The following ITIH4 variants were observed in gnomAD, a reference collection of about 807,000 sequenced individuals.
ITIH4 encodes the protein inter-alpha-trypsin inhibitor heavy chain 4.
ITIH4 carries 79 observed loss-of-function variants against 111.8 expected under a neutral mutation model. The ratio of observed to expected loss-of-function variants is 0.71; its 90% CI spans 0.59 to 0.85. The LOEUF (loss-of-function observed/expected upper bound fraction) is 0.85, where lower values mean the gene tolerates loss of function less well. ITIH4 is among the 40% of genes least tolerant of loss of function. ITIH4 has a pLI of 0.00. For missense variants in ITIH4, 1,065 were observed against 1,195.8 expected (o/e 0.89, Z 1.61); for synonymous variants, 472 against 468.3 (o/e 1.01, Z -0.10).
chr3:52,821,487 G>A (rs1338227389), intron 11 of ITIH4, among the ~76,000 whole-genome samples: 1 of 124,530 alleles, frequency 8.0e-6, no homozygotes, highest in Non-Finnish European at 1.5e-5. Flanking sequence ...AGCAGGAAGG[G>A]TCTAGCTACA....
At chr3:52,820,526 T>C (rs927948309) in intron 13 of ITIH4, 105 bp downstream of exon 13, 23 of 1,389,046 alleles carry the variant, frequency 1.7e-5, no homozygotes, top group Middle Eastern at 1.9e-4. Flanking sequence ...GGGGAGTCTG[T>C]TGGGGGCACG....
chr3:52,827,924 C>T (rs1700511204), intron 2 of ITIH4, among the ~76,000 whole-genome samples: 1 of 152,194 alleles, frequency 6.6e-6, no homozygotes, highest in South Asian at 2.1e-4. Flanking sequence ...TGTGCCTGGT[C>T]AACTTCATGT....
At chr3:52,813,546 C>T (rs142130903) in intron 23 of ITIH4, 56 bp from the exon 24 acceptor site, 60 of 1,485,556 alleles carry the variant, frequency 4.0e-5, no homozygotes, top group African/African-American at 8.3e-5. Context: ...AGGTGTGGTG[C>T]GAAAAGAGGG....
At chr3:52,817,697 G>A (rs1700304982) in intron 20 of ITIH4, among the ~76,000 whole-genome samples, 1 of 152,176 alleles carries the variant, frequency 6.6e-6, no homozygotes, top group African/African-American at 2.4e-5. Context: ...TCCATCATCT[G>A]GAACATCCTC....
chr3:52,820,918 T>C, intron 12 of ITIH4, 73 bp downstream of exon 12: 1 of 1,568,096 alleles, frequency 6.4e-7, no homozygotes, highest in Non-Finnish European at 8.7e-7. Flanking sequence ...CCTCTCTCCA[T>C]GCTTAGGCGC....
At position 52,824,087 on chromosome 3, in the gene ITIH4, TCA is replaced by T; in HGVS notation, c.1172-85_1172-84del. The T allele has an allele frequency of 6.4e-7, 1 of 1,561,014 alleles. No individual in the cohort carries two copies. On this transcript the variant is annotated intron_variant, in intron 9 of 23. Coordinates refer to ENST00000266041, the MANE Select transcript of ITIH4 (RefSeq NM_002218.5). This position sits in a 1 kb window ranked among gnomAD's most constrained non-coding sequence, Gnocchi z 4.3. ...TCTGGAACCTCAGAGCCGAGGGGCCTCAGTGACCCCCTCTCCCTGCCCAGATC... is the reference window on the plus strand; with the variant it reads ...TCTGGAACCTCAGAGCCGAGGGGCCTGTGACCCCCTCTCCCTGCCCAGATC...
chr3:52,826,955 T>TG lies in ITIH4; in HGVS notation c.357-3dup. ...TGCTCCATGTTTCTCCCGGTGGCCC[T>TG]GGGGGAGAAGGGCATCAGGCCTGCT... On this transcript the variant is annotated splice_region_variant and splice_polypyrimidine_tract_variant and intron_variant, in intron 3 of 23. Transcript: ENST00000266041. 6.2e-7 allele frequency: 1 copy of TG among 1,614,038 alleles called. No homozygotes were observed. The highest frequency in any genetic ancestry group is 8.5e-7 in the Non-Finnish European group (1 of 1,180,012).
intron 14 of ITIH4, 150 bp from the exon 15 acceptor site, chr3:52,820,140 G>T: frequency 7.7e-7 from 1 of 1,306,252 alleles, no homozygotes; most frequent in Non-Finnish European, 1.1e-6. Context: ...AGCATGCTGG[G>T]TCAGATTACA....
At position 52,818,121 on chromosome 3, in the gene ITIH4, C is replaced by T. The variant is rs775378366; in HGVS notation, c.2227G>A (p.Val743Met). The T allele has an allele frequency of 1.2e-6, 2 of 1,613,828 alleles. No individual in the cohort carries two copies. The highest frequency in any genetic ancestry group is 8.5e-7 in the Non-Finnish European group (1 of 1,179,908). ...CTGGGGTCCACACAGAGCCGCTCCA[C>T]ACTCTGCCCAGGCAGTGGCAGGATG... ...SAILPLPGQS[V>M]ERLCVDPRHR... The change falls in exon 20 of 24, where the codon GTG (valine) becomes ATG (methionine). Residue 743 changes from valine (V) to methionine (M), a missense_variant. Val to Met is a conservative substitution (Grantham distance 21). Transcript: ENST00000266041.
At position 52,819,994 on chromosome 3, in the gene ITIH4, G is replaced by A; in HGVS notation, c.1862-4C>T. 6.2e-7 allele frequency: 1 copy of A among 1,614,018 alleles called. No individual in the cohort carries two copies. The highest frequency in any genetic ancestry group is 8.5e-7 in the Non-Finnish European group (1 of 1,179,986). On this transcript the variant is annotated splice_polypyrimidine_tract_variant and splice_region_variant and intron_variant, in intron 14 of 23. Transcript: ENST00000266041. The stretch of plus-strand genomic sequence containing the variant: ...TAATATTTGAAGAAAGTGGAACCTG[G>A]AAATCAGTGGGACCTGGGTTTGCAT...
At chr3:52,822,046 T>C (rs1017065866) in intron 11 of ITIH4, among the ~76,000 whole-genome samples, 10 of 152,178 alleles carry the variant, frequency 6.6e-5, no homozygotes, top group Non-Finnish European at 1.0e-4. Context: ...TTTATGTCCA[T>C]AAAATCTTAG....
Position 52,826,913 on chromosome 3 carries a change from T to C in ITIH4, c.397A>G (p.Ser133Gly), listed in dbSNP as rs1559482289. 1 of 1,614,098 alleles carries C rather than the reference T, an allele frequency of 6.2e-7. No individual in the cohort carries two copies. Residue 133 changes from serine to glycine, a missense_variant, in exon 4 of 24, where the codon AGT becomes GGT. Transcript: ENST00000266041. ...GTGATCTTGGCATTGGGAGCCACACTGACCGACACCTGGAACTGCTCCATG... is the reference window on the plus strand; with the variant it reads ...GTGATCTTGGCATTGGGAGCCACACCGACCGACACCTGGAACTGCTCCATG... The part of the protein sequence containing the change: ...RNMEQFQVSV[S>G]VAPNAKITFE...
chr3:52,818,296 A>G lies in ITIH4; in HGVS notation c.2153-13T>C, dbSNP rs1330419518. On this transcript the variant is annotated splice_polypyrimidine_tract_variant and intron_variant, in intron 18 of 23. Coordinates refer to ENST00000266041, the MANE Select transcript of ITIH4 (RefSeq NM_002218.5). ...GTCATGGTTGTTTCTAAAAGAAGAA[A>G]AAGTCTGGGTTTAGGCAGCCCCTTC... 2 of 1,576,074 alleles carry G rather than the reference A, an allele frequency of 1.3e-6. No individual in the cohort carries two copies. Among genetic ancestry groups the G allele is most frequent in the African/African-American group, 1.4e-5 (1 of 73,734 alleles).
Position 52,821,074 on chromosome 3 carries a change from C to T in ITIH4, c.1596G>A (p.Glu532=). 1 of 1,614,024 alleles carries T rather than the reference C, an allele frequency of 6.2e-7. No homozygotes were observed. Residue 532 remains glutamate, a synonymous_variant, in exon 12 of 24, where the codon GAG becomes GAA. Coordinates refer to ENST00000266041, the MANE Select transcript of ITIH4 (RefSeq NM_002218.5). ...GGAAGATATACTTGGGGCTCTGGAA[C>T]TCCGCCTCCTGCTCTGCCACACTGG... ...TESSVAEQEA[E]FQSPKYIFHN... is the part of the protein sequence containing the mutation.
intron 21 of ITIH4, among the ~76,000 whole-genome samples, chr3:52,815,925 A>C (rs761260049): frequency 1.3e-5 from 2 of 152,070 alleles, no homozygotes; most frequent in South Asian, 4.1e-4. Context: ...AGCTCAGGCA[A>C]TCCACCCACC....
At chr3:52,818,874 G>A in intron 17 of ITIH4, 1 of 356,528 alleles carries the variant, frequency 2.8e-6, no homozygotes. Context: ...GAAAGTAAAG[G>A]ACAGGTGAAG....
Position 52,825,941 on chromosome 3 carries a change from C to A in ITIH4, c.704G>T (p.Gly235Val), listed in dbSNP as rs1410206375. Residue 235 changes from glycine to valine, a missense_variant, in exon 6 of 24, where the codon GGC becomes GTC. Coordinates refer to ENST00000266041, the MANE Select transcript of ITIH4 (RefSeq NM_002218.5). ...SPEQQETVLD[G>V]NLIIRYDVDR... ...CACATCATAGCGGATAATGAGGTTGCCGTCCAGGACTGTTTCTTGCTGCTC... is the reference window on the plus strand; with the variant it reads ...CACATCATAGCGGATAATGAGGTTGACGTCCAGGACTGTTTCTTGCTGCTC... The A allele has an allele frequency of 6.2e-7, 1 of 1,614,106 alleles. No individual in the cohort carries two copies. The highest frequency in any genetic ancestry group is 1.1e-5 in the South Asian group (1 of 91,080).
At chr3:52,827,913 A>T (rs907110559) in intron 2 of ITIH4, among the ~76,000 whole-genome samples, 3 of 152,162 alleles carry the variant, frequency 2.0e-5, no homozygotes, top group Admixed American at 1.3e-4. Flanking sequence ...GTGTGTAGGG[A>T]TGTGCCTGGT....
chr3:52,828,032 C>T (rs116787304), intron 2 of ITIH4, among the ~76,000 whole-genome samples: 30 of 152,278 alleles, frequency 2.0e-4, no homozygotes, highest in African/African-American at 7.0e-4. Context: ...AACTCTAGCC[C>T]GGGATGGGGC....
Sources: allele counts gnomAD v4.1 joint callset (sites outside exome capture counted in the v4.1 genomes callset), GRCh38; gene constraint gnomAD v4.1.1; non-coding constraint Gnocchi (gnomAD v3.1); transcripts MANE v1.5; gene names NCBI Gene and HGNC (gene_info 2026-07-23, HGNC 2026-07-21).